The following TENM3 variants were observed in gnomAD, a reference collection of about 807,000 sequenced individuals.
TENM3 encodes the protein teneurin transmembrane protein 3, also known as teneurin-3.
In TENM3, 63 loss-of-function variants were observed where a neutral mutation model predicts 255.1. The observed-to-expected ratio is 0.25, with a 90% CI of 0.20 to 0.30. The LOEUF (loss-of-function observed/expected upper bound fraction) is 0.30. Ranked by LOEUF, TENM3 falls within the 10% of genes least tolerant of loss-of-function variation. TENM3 has a pLI of 1.00. For synonymous variants in TENM3, 1,306 were observed against 1,322.3 expected, an observed-to-expected ratio of 0.99 and a Z score of 0.27; for missense variants, 2,929 against 3,461.1, an observed-to-expected ratio of 0.85 and a Z score of 3.86.
chr4:182,091,742 C>A, the TENM3 span, among the ~76,000 whole-genome samples: 1 of 152,138 alleles, frequency 6.6e-6, no homozygotes, highest in Non-Finnish European at 1.5e-5. Context: ...CTTCTCCCTG[C>A]CTTCTAATTG....
At chr4:181,921,368 A>C in the TENM3 span, among the ~76,000 whole-genome samples, 5 of 152,342 alleles carry the variant, frequency 3.3e-5, no homozygotes, top group East Asian at 9.6e-4. Flanking sequence ...ACCCATGAGC[A>C]TGGAATGTCC....
chr4:181,955,348 G>C, the TENM3 span, among the ~76,000 whole-genome samples: 2 of 152,134 alleles, frequency 1.3e-5, no homozygotes, highest in Non-Finnish European at 2.9e-5. Flanking sequence ...CTGCAGGAGT[G>C]GCTACCTGAA....
At chr4:181,631,472 A>C in the TENM3 span, among the ~76,000 whole-genome samples, 1 of 151,930 alleles carries the variant, frequency 6.6e-6, no homozygotes, top group Non-Finnish European at 1.5e-5. Context: ...TTGTATTTTT[A>C]GTAGAGGCAG....
At chr4:181,912,031 G>A in the TENM3 span, among the ~76,000 whole-genome samples, 7 of 152,130 alleles carry the variant, frequency 4.6e-5, no homozygotes, top group African/African-American at 9.7e-5. Context: ...AGGATCATAC[G>A]CCGGGGATAC....
the TENM3 span, among the ~76,000 whole-genome samples, chr4:181,519,619 T>A: frequency 6.6e-6 from 1 of 152,234 alleles, no homozygotes; most frequent in Non-Finnish European, 1.5e-5. Context: ...GATTGTGATG[T>A]GATATTGAAT....
chr4:182,279,235 A>G (rs1760209350), intron 1 of TENM3, among the ~76,000 whole-genome samples: 1 of 152,210 alleles, frequency 6.6e-6, no homozygotes, highest in Non-Finnish European at 1.5e-5. Flanking sequence ...GTGCGCTTTT[A>G]AAATATTTTG....
At chr4:181,994,335 A>C in the TENM3 span, among the ~76,000 whole-genome samples, 35 of 152,240 alleles carry the variant, frequency 2.3e-4, no homozygotes, top group African/African-American at 8.4e-4. Context: ...TTTGAATAGG[A>C]TGGAGATACA....
intron 3 of TENM3, among the ~76,000 whole-genome samples, chr4:182,412,679 T>G (rs138916600): frequency 4.3e-4 from 65 of 151,656 alleles, no homozygotes; most frequent in African/African-American, 1.5e-3. Context: ...TCCTGGCCAA[T>G]ACAGTGAAAC....
chr4:182,322,321 T>C (rs1444384107), intron 1 of TENM3, among the ~76,000 whole-genome samples: 1 of 152,206 alleles, frequency 6.6e-6, no homozygotes, highest in Non-Finnish European at 1.5e-5. Context: ...GCCATATCGG[T>C]ATTTGGAAGC....
intron 22 of TENM3, among the ~76,000 whole-genome samples, chr4:182,763,393 A>G (rs991619095): frequency 5.9e-5 from 9 of 152,082 alleles, no homozygotes; most frequent in South Asian, 2.1e-4. Context: ...GTGAAACCCC[A>G]TCTCTACTAA....
chr4:182,383,134 G>A lies in TENM3; in HGVS notation c.511+36205G>A, dbSNP rs777603585. Among the ~76,000 whole-genome samples the A allele has an allele frequency of 7.2e-5, 11 of 152,188 alleles. 1 individual carries two copies. In the East Asian group the frequency reaches 7.7e-4, roughly 11 times the overall value. The stretch of plus-strand genomic sequence containing the variant: ...ACAGCCAAAGAACAGGTGTGGAGTC[G>A]GGGTGGTGGATGGAAAATTACTAAG... On this transcript the variant is annotated intron_variant, in intron 3 of 27. Coordinates refer to ENST00000511685, the MANE Select transcript of TENM3 (RefSeq NM_001080477.4).
chr4:181,448,891 A>T, the TENM3 span, among the ~76,000 whole-genome samples: 1 of 152,190 alleles, frequency 6.6e-6, no homozygotes, highest in Non-Finnish European at 1.5e-5. Flanking sequence ...TAGACACTTT[A>T]TAAACAAGAA....
chr4:182,800,862 T>C lies in TENM3; in HGVS notation c.*511T>C, dbSNP rs556487578. ...CCCTGTGCAGCTTTGTAGAAGGACA[T>C]TGGCACAGTGACTTCTGCGGCGGGG... On this transcript the variant is annotated 3_prime_UTR_variant, in exon 28 of 28. Coordinates refer to ENST00000511685, the MANE Select transcript of TENM3 (RefSeq NM_001080477.4). 6.5e-6 allele frequency: 1 copy of C among 152,976 alleles called. No homozygotes were observed. The highest frequency in any genetic ancestry group is 2.1e-4 in the South Asian group (1 of 4,832). The allele number at this position is 152,976 out of a possible 1,614,324, so 9.5% of individuals were successfully genotyped here. A position where few individuals can be genotyped will look rare whatever the true frequency, so the allele number is the denominator to read the frequency against.
intron 1 of TENM3, chr4:182,190,222 T>C (rs1753427681): frequency 6.6e-6 from 1 of 152,228 alleles, no homozygotes; most frequent in African/African-American, 2.4e-5. Context: ...TCTAGATCTC[T>C]GGAAGGGACT....
chr4:181,457,022 G>A, the TENM3 span, among the ~76,000 whole-genome samples: 5 of 151,832 alleles, frequency 3.3e-5, no homozygotes. Context: ...CAACCAGGAA[G>A]TCTTCCTCTA....
the TENM3 span, among the ~76,000 whole-genome samples, chr4:181,827,310 C>T: frequency 6.6e-6 from 1 of 152,188 alleles, no homozygotes; most frequent in Non-Finnish European, 1.5e-5. Context: ...TTCCCTCTCC[C>T]TGTTAATTCA....
In TENM3 at chr4:182,755,049, G is replaced by T. The variant is rs1762628305; in HGVS notation, c.4682G>T (p.Gly1561Val). 6.2e-7 allele frequency: 1 copy of T among 1,613,998 alleles called. No individual in the cohort carries two copies. Among genetic ancestry groups the T allele is most frequent in the South Asian group, 1.1e-5 (1 of 91,076 alleles). Residue 1561 changes from glycine to valine, a missense_variant, in exon 22 of 28, where the codon GGC becomes GTC. Around this residue, in one of 6 missense-constraint regions of TENM3, gnomAD observed 1,608 missense variants for 1,884.4 expected, o/e 0.85. Coordinates refer to ENST00000511685, the MANE Select transcript of TENM3 (RefSeq NM_001080477.4). Reference sequence around the variant, plus strand: ...ATTACTGCTGTGACAGACAGCAATGGCAACACCCTTAGAATTAGACGGGAC... The same window carrying T: ...ATTACTGCTGTGACAGACAGCAATGTCAACACCCTTAGAATTAGACGGGAC... The part of the protein sequence containing the change: ...NDITAVTDSN[G>V]NTLRIRRDPN...
intron 1 of TENM3, among the ~76,000 whole-genome samples, chr4:182,311,933 T>C (rs538776244): frequency 6.6e-6 from 1 of 152,278 alleles, no homozygotes; most frequent in East Asian, 1.9e-4. Flanking sequence ...CTTGCTTTTC[T>C]CTCATTACGA....
chr4:182,365,139 A>T (rs1766339223), intron 3 of TENM3, among the ~76,000 whole-genome samples: 1 of 152,282 alleles, frequency 6.6e-6, no homozygotes, highest in Non-Finnish European at 1.5e-5. Flanking sequence ...TGTAATTTGT[A>T]TTCGTTTGAT....
Sources: gnomAD v4.1 joint callset for allele counts (sites outside exome capture counted in the v4.1 genomes callset) on GRCh38, gnomAD v4.1.1 for gene constraint, gnomAD v4.1.1 regional missense constraint, MANE v1.5 for transcripts, NCBI Gene and HGNC (gene_info 2026-07-23, HGNC 2026-07-21) for gene names.